ZNF516: variants seen among roughly 807,000 people sequenced by gnomAD.
The protein encoded by ZNF516 is zinc finger protein 516.
A neutral mutation model predicts 79.7 loss-of-function variants in ZNF516; 19 were observed. The ratio of observed to expected loss-of-function variants is 0.24; its 90% CI spans 0.17 to 0.35. The LOEUF is 0.35. Among genes scored for constraint, ZNF516 ranks in the 10% least tolerant of loss-of-function variants. The pLI, the probability that ZNF516 is intolerant of heterozygous loss-of-function variation, is 1.00. For synonymous variants in ZNF516, 877 were observed against 739.5 expected (o/e 1.19, Z -3.02); for missense variants, 1,678 against 1,679.5 (o/e 1.00, Z 0.02).
At chr18:76,491,071 A>G in intron 1 of ZNF516, 2 of 985,258 alleles carry the variant, frequency 2.0e-6, no homozygotes, top group Non-Finnish European at 2.4e-6. Flanking sequence ...AGGTGTGAAC[A>G]CTTATGTAAT....
chr18:76,427,351 G>T (rs1466371629), intron 3 of ZNF516, among the ~76,000 whole-genome samples: 1 of 152,166 alleles, frequency 6.6e-6, no homozygotes, highest in Non-Finnish European at 1.5e-5. Flanking sequence ...CACAAAGATT[G>T]AGTCTATGAC....
At position 76,417,363 on chromosome 18, in the gene ZNF516, G is replaced by A. The variant is rs1011685600; in HGVS notation, c.1810+23882C>T. Among the ~76,000 whole-genome samples, 3 of 152,316 alleles carry A rather than the reference G, an allele frequency of 2.0e-5. No homozygotes were observed. In the South Asian group the frequency reaches 6.2e-4, roughly 32 times the overall value. On this transcript the variant is annotated intron_variant, in intron 3 of 6. Coordinates refer to ENST00000443185, the MANE Select transcript of ZNF516 (RefSeq NM_014643.4). ...AACCAAAGCTGTAAGAACACCGCCA[G>A]GAATCTTGAGAAACTTTTAAAATCT...
At position 76,407,435 on chromosome 18, in the gene ZNF516, G is replaced by C. The variant is rs140653094; in HGVS notation, c.1811-27132C>G. On this transcript the variant is annotated intron_variant, in intron 3 of 6. Transcript: ENST00000443185. ...GACCCTGTCTCATAACAAAGAAGAG[G>C]GGGGGAGTGGAGAGGAGGAAACCCA... is the stretch of plus-strand genomic sequence containing the variant. Among the ~76,000 whole-genome samples, 681 of 152,216 alleles carry C rather than the reference G, an allele frequency of 4.5e-3. 3 individuals carry two copies. Among genetic ancestry groups the C allele is most frequent in the Non-Finnish European group, 7.9e-3 (538 of 68,004 alleles).
At chr18:76,413,076 C>A (rs998839465) in intron 3 of ZNF516, among the ~76,000 whole-genome samples, 1 of 152,182 alleles carries the variant, frequency 6.6e-6, no homozygotes, top group East Asian at 1.9e-4. Flanking sequence ...AAGCGGGAAG[C>A]GGAGGCAGAA....
intron 1 of ZNF516, among the ~76,000 whole-genome samples, chr18:76,481,902 T>A (rs909770775): frequency 1.3e-5 from 2 of 152,238 alleles, no homozygotes; most frequent in Non-Finnish European, 2.9e-5. Context: ...ATTCAAAAAG[T>A]AGCTCTCAAT....
intron 1 of ZNF516, among the ~76,000 whole-genome samples, chr18:76,469,917 A>G (rs954024111): frequency 1.3e-5 from 2 of 152,266 alleles, no homozygotes; most frequent in Admixed American, 1.3e-4. Context: ...GCTCAAAATC[A>G]TTTGAAATGC....
At chr18:76,363,931 G>A (rs929036926) in intron 6 of ZNF516, among the ~76,000 whole-genome samples, 1 of 152,224 alleles carries the variant, frequency 6.6e-6, no homozygotes, top group African/African-American at 2.4e-5. Context: ...GAACACAGGT[G>A]CTGTGTGTGC....
upstream of ZNF516, chr18:76,496,194 CG>C: frequency 8.6e-7 from 1 of 1,160,934 alleles, no homozygotes; most frequent in Non-Finnish European, 1.1e-6. Flanking sequence ...TCGGAGCTAG[CG>C]AGGGCGAGCG....
At chr18:76,399,165 G>A (rs1323693918) in intron 3 of ZNF516, among the ~76,000 whole-genome samples, 1 of 113,232 alleles carries the variant, frequency 8.8e-6, no homozygotes, top group East Asian at 2.4e-4. Flanking sequence ...CCCGTACATG[G>A]AAGAGCCATC....
At chr18:76,429,500 G>A (rs1182877460) in intron 3 of ZNF516, among the ~76,000 whole-genome samples, 1 of 152,168 alleles carries the variant, frequency 6.6e-6, no homozygotes, top group African/African-American at 2.4e-5. Flanking sequence ...AGGAGTAGGG[G>A]GAGGAACAGA....
chr18:76,379,645 A>G lies in ZNF516; in HGVS notation c.2469T>C (p.Gly823=). The change falls in exon 4 of 7, where the codon GGT becomes GGC. Residue 823 remains glycine (G), a synonymous_variant. Coordinates refer to ENST00000443185, the MANE Select transcript of ZNF516 (RefSeq NM_014643.4). ...GGAGCAAAGGCTGGCATTCTTTGCCACCGAGGGCAGGCGGGGGGCCCGTGC... is the reference window on the plus strand; with the variant it reads ...GGAGCAAAGGCTGGCATTCTTTGCCGCCGAGGGCAGGCGGGGGGCCCGTGC... ...SGRTGPPPAL[G]GKECQPLLLA... 1.2e-6 allele frequency: 2 copies of G among 1,613,638 alleles called. No individual in the cohort carries two copies. Among genetic ancestry groups the G allele is most frequent in the South Asian group, 2.2e-5 (2 of 91,092 alleles).
chr18:76,478,014 G>A (rs530550443), intron 1 of ZNF516, among the ~76,000 whole-genome samples: 1 of 152,224 alleles, frequency 6.6e-6, no homozygotes, highest in South Asian at 2.1e-4. Context: ...ATTCTGAAGG[G>A]AAAAGGAGGT....
chr18:76,454,190 G>A (rs975705724), intron 2 of ZNF516, among the ~76,000 whole-genome samples: 2 of 152,126 alleles, frequency 1.3e-5, no homozygotes, highest in East Asian at 1.9e-4. Context: ...AGAAGTCAGC[G>A]CCCAAAAAAA....
chr18:76,375,809 T>C (rs1452470827), intron 4 of ZNF516, among the ~76,000 whole-genome samples: 4 of 133,140 alleles, frequency 3.0e-5, no homozygotes, highest in Non-Finnish European at 6.2e-5. Flanking sequence ...AGAGGATGTA[T>C]GGGAAGGCCC....
chr18:76,459,945 C>T lies in ZNF516; in HGVS notation c.-158+3083G>A, dbSNP rs1331443631. 6.6e-6 allele frequency among the ~76,000 whole-genome samples: 1 copy of T among 152,194 alleles called. No individual in the cohort carries two copies. Among genetic ancestry groups the T allele is most frequent in the Non-Finnish European group, 1.5e-5 (1 of 68,022 alleles). On this transcript the variant is annotated intron_variant, in intron 2 of 6. Coordinates refer to ENST00000443185, the MANE Select transcript of ZNF516 (RefSeq NM_014643.4). The surrounding 1 kb of genome is among the most constrained non-coding windows in gnomAD (Gnocchi z 5.0). ...TCGGGCAGGTCTGTCTCACCAGTCCCAAATAATGAATCATGTCCACTGCAC... is the reference window on the plus strand; with the variant it reads ...TCGGGCAGGTCTGTCTCACCAGTCCTAAATAATGAATCATGTCCACTGCAC...
intron 2 of ZNF516, among the ~76,000 whole-genome samples, chr18:76,456,153 G>A (rs1339552844): frequency 3.3e-5 from 5 of 152,228 alleles, no homozygotes; most frequent in Admixed American, 6.5e-5. Context: ...CCTGGCGAAC[G>A]TGAAACAATA....
chr18:76,357,764 G>A lies in ZNF516; in HGVS notation c.*4734C>T, dbSNP rs2144821690. ...CATCAGTAAACCATTGCAAACCACA[G>A]TGCCAGCCCTTGTGTCCCCACATTT... On this transcript the variant is annotated 3_prime_UTR_variant, in exon 7 of 7. Coordinates refer to ENST00000443185, the MANE Select transcript of ZNF516 (RefSeq NM_014643.4). Among the ~76,000 whole-genome samples the A allele has an allele frequency of 6.6e-6, 1 of 152,292 alleles. No individual in the cohort carries two copies. The highest frequency in any genetic ancestry group is 1.5e-5 in the Non-Finnish European group (1 of 68,022).
chr18:76,407,440 G>A (rs1426660168), intron 3 of ZNF516, among the ~76,000 whole-genome samples: 1 of 152,110 alleles, frequency 6.6e-6, no homozygotes, highest in Non-Finnish European at 1.5e-5. Context: ...AAGAGGGGGG[G>A]AGTGGAGAGG....
At position 76,379,836 on chromosome 18, in the gene ZNF516, G is replaced by A; in HGVS notation, c.2278C>T (p.His760Tyr). The A allele has an allele frequency of 6.2e-7, 1 of 1,613,840 alleles. No individual in the cohort carries two copies. Among genetic ancestry groups the A allele is most frequent in the Non-Finnish European group, 8.5e-7 (1 of 1,179,834 alleles). ...ASSLQAALVV[H>Y]PCPYCSHKTY... ...TTGTGGCTGCAGTAAGGACACGGGTGAACGACTAAAGCCGCCTGCAGGGAG... is the reference window on the plus strand; with the variant it reads ...TTGTGGCTGCAGTAAGGACACGGGTAAACGACTAAAGCCGCCTGCAGGGAG... Residue 760 changes from histidine to tyrosine, a missense_variant, in exon 4 of 7, where the codon CAC becomes TAC. Physicochemically the swap from His to Tyr is moderately conservative, Grantham distance 83. Around this residue, in one of 5 missense-constraint regions of ZNF516, gnomAD observed 1,294 missense variants for 1,248.3 expected, o/e 1.04. Transcript: ENST00000443185.
Sources: gnomAD v4.1 joint callset for allele counts (sites outside exome capture counted in the v4.1 genomes callset) on GRCh38, gnomAD v4.1.1 for gene constraint, gnomAD v4.1.1 regional missense constraint, Gnocchi (gnomAD v3.1) non-coding constraint, MANE v1.5 for transcripts, NCBI Gene and HGNC (gene_info 2026-07-23, HGNC 2026-07-21) for gene names.